The following ZSWIM6 variants were observed in gnomAD, a reference collection of about 807,000 sequenced individuals.
ZSWIM6 encodes the protein zinc finger SWIM domain-containing protein 6.
ZSWIM6 carries 9 observed loss-of-function variants against 113.2 expected under a neutral mutation model. The observed-to-expected ratio is 0.08, with a 90% CI of 0.05 to 0.14. ZSWIM6 has a LOEUF of 0.14. Ranked by LOEUF, ZSWIM6 falls within the 10% of genes least tolerant of loss-of-function variation. ZSWIM6 has a pLI of 1.00. For synonymous variants in ZSWIM6, 611 were observed against 606.5 expected (o/e 1.01, Z -0.11); for missense variants, 1,162 against 1,552.2 (o/e 0.75, Z 4.22).
chr5:61,527,799 T>A (rs773386767), intron 7 of ZSWIM6, among the ~76,000 whole-genome samples: 1 of 152,192 alleles, frequency 6.6e-6, no homozygotes, highest in African/African-American at 2.4e-5. Context: ...ATTATACATT[T>A]TATGAATAAA....
intron 1 of ZSWIM6, among the ~76,000 whole-genome samples, chr5:61,386,254 T>C (rs1189744124): frequency 6.6e-6 from 1 of 152,180 alleles, no homozygotes; most frequent in South Asian, 2.1e-4. Flanking sequence ...TCTGTGGACA[T>C]TTCTCTTCCT....
At chr5:61,445,372 T>C (rs1054509477) in intron 1 of ZSWIM6, among the ~76,000 whole-genome samples, 4 of 152,194 alleles carry the variant, frequency 2.6e-5, no homozygotes, top group South Asian at 2.1e-4. Flanking sequence ...ATCTCCAGGA[T>C]TGGCTTCTAG....
rs74465877 is a variant in ZSWIM6, at chr5:61,343,101, T to C, written c.676+10153T>C. 3.7e-3 allele frequency among the ~76,000 whole-genome samples: 564 copies of C among 152,350 alleles called. 9 individuals are homozygous for C. The highest frequency in any genetic ancestry group is 0.019 in the East Asian group (101 of 5,194). On this transcript the variant is annotated intron_variant, in intron 1 of 13. Coordinates refer to ENST00000252744, the MANE Select transcript of ZSWIM6 (RefSeq NM_020928.2). ...TCATTTTAAGGTCCTTTTAAAATGT[T>C]ACAATTATATTATTTCTTGTTGCTG...
chr5:61,434,180 AT>A (rs1273410371), intron 1 of ZSWIM6, among the ~76,000 whole-genome samples: 15 of 147,636 alleles, frequency 1.0e-4, no homozygotes, highest in African/African-American at 3.4e-4. Flanking sequence ...TATATACTAT[AT>A]ATAACATATA....
At chr5:61,358,815 A>T (rs536090287) in intron 1 of ZSWIM6, among the ~76,000 whole-genome samples, 1 of 152,318 alleles carries the variant, frequency 6.6e-6, no homozygotes, top group African/African-American at 2.4e-5. Context: ...AGTGCTTCCC[A>T]GTCTCTTTTA....
intron 1 of ZSWIM6, among the ~76,000 whole-genome samples, chr5:61,357,451 G>T (rs1490767142): frequency 2.0e-5 from 3 of 152,024 alleles, no homozygotes. Flanking sequence ...TGCAGCCATT[G>T]CTGGAAACAC....
chr5:61,351,821 C>T lies in ZSWIM6; in HGVS notation c.676+18873C>T, dbSNP rs182782357. Reference sequence around the variant, plus strand: ...TGCACTTCTAATTTGTACCATAGAGCGCCATTAAAAAAATTTTATATGCTA... The same window carrying T: ...TGCACTTCTAATTTGTACCATAGAGTGCCATTAAAAAAATTTTATATGCTA... On this transcript the variant is annotated intron_variant, in intron 1 of 13. Coordinates refer to ENST00000252744, the MANE Select transcript of ZSWIM6 (RefSeq NM_020928.2). 7.2e-4 allele frequency among the ~76,000 whole-genome samples: 110 copies of T among 152,170 alleles called. No homozygotes were observed. In the Middle Eastern group the frequency reaches 0.01, roughly 14 times the overall value.
At chr5:61,542,716 T>C (rs1749774712) in intron 13 of ZSWIM6, among the ~76,000 whole-genome samples, 1 of 152,172 alleles carries the variant, frequency 6.6e-6, no homozygotes, top group African/African-American at 2.4e-5. Context: ...ATATAAAGAT[T>C]ATCTTTACAT....
At chr5:61,377,583 G>T (rs888239438) in intron 1 of ZSWIM6, among the ~76,000 whole-genome samples, 2 of 151,950 alleles carry the variant, frequency 1.3e-5, no homozygotes, top group African/African-American at 2.4e-5. Flanking sequence ...CGGGCGTGGC[G>T]GCATGTACCT....
rs1373246549 is a variant in ZSWIM6 at position 61,531,395 on chromosome 5, A to G, written c.1985-70A>G. On this transcript the variant is annotated intron_variant, in intron 8 of 13. Coordinates refer to ENST00000252744, the MANE Select transcript of ZSWIM6 (RefSeq NM_020928.2). ...CATTTGCTTGTACGGGGAAGTATAA[A>G]TATTTGTACTTATCATATCATCTGC... 2.0e-6 allele frequency: 3 copies of G among 1,469,108 alleles called. No individual in the cohort carries two copies. In the East Asian group the frequency reaches 7.5e-5, roughly 37 times the overall value. 91.0% of individuals were successfully genotyped at this position (1,469,108 alleles called of 1,614,324 possible). A position where few individuals can be genotyped will look rare whatever the true frequency, so the allele number is the denominator to read the frequency against.
rs1052898552 is a variant in ZSWIM6 at position 61,472,565 on chromosome 5, G to A, written c.677-116G>A. 2.7e-6 allele frequency: 2 copies of A among 741,328 alleles called. No homozygotes were observed. The highest frequency in any genetic ancestry group is 3.6e-5 in the African/African-American group (2 of 56,086). 45.9% of individuals were successfully genotyped at this position (741,328 alleles called of 1,614,324 possible). A position where few individuals can be genotyped will look rare whatever the true frequency, so the allele number is the denominator to read the frequency against. Reference sequence around the variant, plus strand: ...CTGAATGTTTTTACTTGAATATAGAGGCTGTCATATTTTTTTCTTGCTGCT... The same window carrying A: ...CTGAATGTTTTTACTTGAATATAGAAGCTGTCATATTTTTTTCTTGCTGCT... On this transcript the variant is annotated intron_variant, in intron 1 of 13. Transcript: ENST00000252744. The surrounding 1 kb of genome is among the most constrained non-coding windows in gnomAD (Gnocchi z 4.1).
intron 1 of ZSWIM6, among the ~76,000 whole-genome samples, chr5:61,442,048 A>G (rs1746848767): frequency 6.6e-6 from 1 of 152,190 alleles, no homozygotes; most frequent in Admixed American, 6.6e-5. Flanking sequence ...AATAGGAATT[A>G]GCGAGGGGTA....
At chr5:61,392,058 G>A (rs1042090220) in intron 1 of ZSWIM6, among the ~76,000 whole-genome samples, 1 of 152,120 alleles carries the variant, frequency 6.6e-6, no homozygotes, top group Non-Finnish European at 1.5e-5. Context: ...ATTTGATGAA[G>A]TACTTTTTCC....
At chr5:61,473,564 T>C (rs1213118002) in intron 2 of ZSWIM6, among the ~76,000 whole-genome samples, 1 of 152,216 alleles carries the variant, frequency 6.6e-6, no homozygotes, top group African/African-American at 2.4e-5. Flanking sequence ...TGAACATGTT[T>C]TCTCATTTAT....
intron 1 of ZSWIM6, among the ~76,000 whole-genome samples, chr5:61,411,157 T>C (rs913925707): frequency 6.6e-6 from 1 of 152,216 alleles, no homozygotes; most frequent in African/African-American, 2.4e-5. Flanking sequence ...TGAGTGTGTA[T>C]TTAGAATGAG....
At chr5:61,450,262 ATGG>A (rs1186179647) in intron 1 of ZSWIM6, among the ~76,000 whole-genome samples, 1 of 152,142 alleles carries the variant, frequency 6.6e-6, no homozygotes, top group Non-Finnish European at 1.5e-5. Flanking sequence ...AGGAAGAAGA[ATGG>A]TGATTTGTTC....
In ZSWIM6 at chr5:61,531,613, A is replaced by T; in HGVS notation, c.2133A>T (p.Thr711=). Reference sequence around the variant, plus strand: ...GTATCATGCCTGATGGGCTGTACACACAAGAGAAAGTTTGCCGGAATGAGG... The same window carrying T: ...GTATCATGCCTGATGGGCTGTACACTCAAGAGAAAGTTTGCCGGAATGAGG... ...QQRIMPDGLY[T]QEKVCRNEEQ... Residue 711 remains threonine, a synonymous_variant, in exon 9 of 14, where the codon ACA becomes ACT. Coordinates refer to ENST00000252744, the MANE Select transcript of ZSWIM6 (RefSeq NM_020928.2). 1 of 1,551,678 alleles carries T rather than the reference A, an allele frequency of 6.4e-7. No individual in the cohort carries two copies. The highest frequency in any genetic ancestry group is 8.7e-7 in the Non-Finnish European group (1 of 1,146,974).
chr5:61,424,942 G>A (rs1746435653), intron 1 of ZSWIM6, among the ~76,000 whole-genome samples: 1 of 151,950 alleles, frequency 6.6e-6, no homozygotes, highest in African/African-American at 2.4e-5. Context: ...TGACCAGGCT[G>A]GTCTCGAACT....
chr5:61,539,035 C>A, intron 11 of ZSWIM6, 64 bp downstream of exon 11: 1 of 1,426,308 alleles, frequency 7.0e-7, no homozygotes, highest in Admixed American at 2.8e-5. Flanking sequence ...TTTTTTAAGT[C>A]TTGTTTTCTA....
Sources: gnomAD v4.1 joint callset for allele counts (sites outside exome capture counted in the v4.1 genomes callset) on GRCh38, gnomAD v4.1.1 for gene constraint, Gnocchi (gnomAD v3.1) non-coding constraint, MANE v1.5 for transcripts, NCBI Gene and HGNC (gene_info 2026-07-23, HGNC 2026-07-21) for gene names.